Variants in SCAPER observed in about 807,000 individuals in gnomAD.
SCAPER encodes the protein S-phase cyclin A associated protein in the ER, also known as S phase cyclin A-associated protein in the endoplasmic reticulum.
A neutral mutation model predicts 182.2 loss-of-function variants in SCAPER; 98 were observed. The ratio of observed to expected loss-of-function variants is 0.54; its 90% CI spans 0.46 to 0.64. The LOEUF (loss-of-function observed/expected upper bound fraction) is 0.64, where lower values mean the gene tolerates loss of function less well. Ranked by LOEUF, SCAPER falls within the 30% of genes least tolerant of loss-of-function variation. SCAPER has a pLI of 0.00. For synonymous variants in SCAPER, 605 were observed against 564.6 expected (o/e 1.07, Z -1.01); for missense variants, 1,432 against 1,690.0 (o/e 0.85, Z 2.68).
At chr15:76,615,784 C>T (rs1317172880) in intron 22 of SCAPER, among the ~76,000 whole-genome samples, 1 of 147,858 alleles carries the variant, frequency 6.8e-6, no homozygotes, top group Non-Finnish European at 1.5e-5. Flanking sequence ...CCCACCATTG[C>T]ACTCCAGCCT....
rs934952115 is a variant in SCAPER at position 76,376,448 on chromosome 15, T to C, written c.3706-137A>G. On this transcript the variant is annotated intron_variant, in intron 28 of 31. Transcript: ENST00000563290. ...GACATTTCTACAGTACTATGCTTAA[T>C]GCTTTAGTTTAGGGGTTCTTGTTCT... 6.4e-6 allele frequency: 6 copies of C among 941,444 alleles called. No individual in the cohort carries two copies. In the South Asian group the frequency reaches 1.0e-4, roughly 16 times the overall value. The allele number at this position is 941,444 out of a possible 1,614,324, so 58.3% of individuals were successfully genotyped here.
intron 21 of SCAPER, among the ~76,000 whole-genome samples, chr15:76,641,453 G>A (rs546087290): frequency 1.3e-5 from 2 of 151,880 alleles, no homozygotes; most frequent in South Asian, 2.1e-4. Flanking sequence ...TTGGCACCAC[G>A]GGACCACAAG....
chr15:76,901,006 A>G (rs2074749553), intron 1 of SCAPER, among the ~76,000 whole-genome samples: 1 of 152,218 alleles, frequency 6.6e-6, no homozygotes, highest in African/African-American at 2.4e-5. Flanking sequence ...ATGTTGTCAC[A>G]GGCATACTCA....
intron 21 of SCAPER, among the ~76,000 whole-genome samples, chr15:76,641,124 G>C (rs1400601237): frequency 6.6e-6 from 1 of 152,176 alleles, no homozygotes; most frequent in Non-Finnish European, 1.5e-5. Context: ...CGGTTGTCTA[G>C]CTTCATGTCC....
At chr15:76,529,017 G>A (rs1249645323) in intron 23 of SCAPER, among the ~76,000 whole-genome samples, 1 of 152,164 alleles carries the variant, frequency 6.6e-6, no homozygotes, top group Non-Finnish European at 1.5e-5. Context: ...TTTGATATTC[G>A]TTACTGGATT....
intron 20 of SCAPER, among the ~76,000 whole-genome samples, chr15:76,685,943 T>A (rs1265865833): frequency 6.6e-6 from 1 of 152,024 alleles, no homozygotes; most frequent in Admixed American, 6.5e-5. Flanking sequence ...GATTGAAGAT[T>A]TAAATGTCAA....
At chr15:76,732,885 C>G (rs2061006559) in intron 16 of SCAPER, among the ~76,000 whole-genome samples, 1 of 152,226 alleles carries the variant, frequency 6.6e-6, no homozygotes, top group Non-Finnish European at 1.5e-5. Context: ...TCCTCTCTCT[C>G]TCTGCCTCAG....
At chr15:76,392,356 G>T (rs2043755545) in intron 27 of SCAPER, among the ~76,000 whole-genome samples, 1 of 152,150 alleles carries the variant, frequency 6.6e-6, no homozygotes, top group South Asian at 2.1e-4. Context: ...ACAGATGTTA[G>T]CCCCCATTTA....
chr15:76,669,871 G>A (rs1188453782), intron 20 of SCAPER, among the ~76,000 whole-genome samples: 1 of 152,124 alleles, frequency 6.6e-6, no homozygotes, highest in East Asian at 1.9e-4. Flanking sequence ...TTTTGTGAAA[G>A]ATCCAAATTA....
chr15:76,648,346 GA>G (rs1397248795), intron 21 of SCAPER, among the ~76,000 whole-genome samples: 2 of 151,914 alleles, frequency 1.3e-5, no homozygotes, highest in Non-Finnish European at 2.9e-5. Flanking sequence ...ATAGGACACA[GA>G]ACTATCTAAA....
At chr15:76,406,489 A>C (rs2044842701) in intron 26 of SCAPER, among the ~76,000 whole-genome samples, 1 of 151,898 alleles carries the variant, frequency 6.6e-6, no homozygotes, top group Non-Finnish European at 1.5e-5. Context: ...AGAAAAAAAA[A>C]TCAAGTGTTT....
chr15:76,838,875 A>T (rs751999248), intron 5 of SCAPER, among the ~76,000 whole-genome samples: 5 of 151,824 alleles, frequency 3.3e-5, no homozygotes, highest in Non-Finnish European at 5.9e-5. Flanking sequence ...TTCACAACCA[A>T]CTCTTTCAAC....
chr15:76,763,483 G>A (rs2062923368), intron 14 of SCAPER, among the ~76,000 whole-genome samples: 1 of 151,730 alleles, frequency 6.6e-6, no homozygotes, highest in Non-Finnish European at 1.5e-5. Flanking sequence ...CTGTTGTGGG[G>A]TTCTATGAGC....
chr15:76,763,242 G>A (rs1324756033), intron 14 of SCAPER, among the ~76,000 whole-genome samples: 1 of 151,098 alleles, frequency 6.6e-6, no homozygotes, highest in African/African-American at 2.4e-5. Flanking sequence ...AGTAATCATG[G>A]CTGGCAGGGT....
chr15:76,424,658 T>C (rs2046293712), intron 26 of SCAPER, among the ~76,000 whole-genome samples: 1 of 152,224 alleles, frequency 6.6e-6, no homozygotes, highest in Non-Finnish European at 1.5e-5. Flanking sequence ...GATCCTGCCA[T>C]TATGATGTTA....
chr15:76,407,694 T>C (rs1310162244), intron 26 of SCAPER, among the ~76,000 whole-genome samples: 1 of 152,222 alleles, frequency 6.6e-6, no homozygotes, highest in East Asian at 1.9e-4. Context: ...GTTTTTCTAT[T>C]TGATTCTTTC....
At chr15:76,904,471 C>CA in intron 1 of SCAPER, 1 of 152,162 alleles carries the variant, frequency 6.6e-6, no homozygotes, top group Non-Finnish European at 1.5e-5. Context: ...TGCAGTCCAC[C>CA]AGCAACAGGA....
At chr15:76,757,453 T>C (rs1198165219) in intron 14 of SCAPER, among the ~76,000 whole-genome samples, 3 of 87,168 alleles carry the variant, frequency 3.4e-5, no homozygotes, top group East Asian at 3.1e-4. Flanking sequence ...CTGTTTTATA[T>C]ATACACACAC....
chr15:76,796,740 TGCATTACAGG>T (rs2065356885), intron 7 of SCAPER, among the ~76,000 whole-genome samples: 1 of 152,218 alleles, frequency 6.6e-6, no homozygotes, highest in South Asian at 2.1e-4. Context: ...ACCAATGAAG[TGCATTACAGG>T]GCAAGTTTCC....
Sources: allele counts gnomAD v4.1 joint callset (sites outside exome capture counted in the v4.1 genomes callset), GRCh38; gene constraint gnomAD v4.1.1; transcripts MANE v1.5; gene names NCBI Gene and HGNC (gene_info 2026-07-23, HGNC 2026-07-21).